Variants in MTOR observed in about 807,000 individuals in gnomAD.
MTOR encodes serine/threonine-protein kinase mTOR.
In MTOR, 70 loss-of-function variants were observed where a neutral mutation model predicts 319.8. That is an observed-to-expected ratio of 0.22 (90% CI 0.18 to 0.27). The LOEUF is 0.27. MTOR is among the 10% of genes least tolerant of loss of function. MTOR has a pLI of 1.00. For missense variants in MTOR, 1,890 were observed against 3,274.4 expected (o/e 0.58, Z 10.32); for synonymous variants, 1,183 against 1,211.4 (o/e 0.98, Z 0.49).
rs1642879282 is a variant in MTOR, at chr1:11,127,195, C to T, written c.6217-51G>A. On this transcript the variant is annotated intron_variant, in intron 44 of 57. Transcript: ENST00000361445. This position sits in a 1 kb window ranked among gnomAD's most constrained non-coding sequence, Gnocchi z 5.5. ...CAAGTTATCAAAGTCTCAACCAACC[C>T]AGGAGGCAAAATCCCCAGGCTGACT... The T allele has an allele frequency of 6.2e-7, 1 of 1,607,466 alleles. No individual in the cohort carries two copies. Among genetic ancestry groups the T allele is most frequent in the Non-Finnish European group, 8.5e-7 (1 of 1,177,598 alleles).
rs557724551 is a variant in MTOR, at chr1:11,119,288, C to T, written c.6933+1958G>A. ...TCTACTAAAAATACAAAAGAGTGGC[C>T]GGGAACGGTGGCTCCCGCCTGTAAT... On this transcript the variant is annotated intron_variant, in intron 49 of 57. Transcript: ENST00000361445. Among the ~76,000 whole-genome samples the T allele has an allele frequency of 4.5e-3, 678 of 151,698 alleles. 6 individuals carry two copies. The highest frequency in any genetic ancestry group is 0.015 in the African/African-American group (629 of 41,338).
chr1:11,191,069 C>T (rs144831541), intron 28 of MTOR, among the ~76,000 whole-genome samples: 1 of 152,262 alleles, frequency 6.6e-6, no homozygotes, highest in East Asian at 1.9e-4. Context: ...TGAGATGAAA[C>T]CAGACATGCG....
intron 16 of MTOR, 147 bp downstream of exon 16, chr1:11,232,289 T>C (rs1647045079): frequency 3.6e-6 from 2 of 549,048 alleles, no homozygotes; most frequent in Non-Finnish European, 6.5e-6. Flanking sequence ...TTCTAACTTT[T>C]ACTCATTCAA....
intron 26 of MTOR, among the ~76,000 whole-genome samples, chr1:11,203,148 G>C (rs946092677): frequency 3.3e-5 from 5 of 151,796 alleles, no homozygotes; most frequent in Non-Finnish European, 5.9e-5. Context: ...AGGAGACGGA[G>C]GTTGCAGTGA....
In MTOR at chr1:11,121,189, T is replaced by A; in HGVS notation, c.6933+57A>T. On this transcript the variant is annotated intron_variant, in intron 49 of 57. Coordinates refer to ENST00000361445, the MANE Select transcript of MTOR (RefSeq NM_004958.4). This position sits in a 1 kb window ranked among gnomAD's most constrained non-coding sequence, Gnocchi z 4.9. ...TGCACATGAACAGATGGGAGGGCCA[T>A]CCTATTGCGAGTGGGGGTTCCAGGA... 4 of 1,604,572 alleles carry A rather than the reference T, an allele frequency of 2.5e-6. No homozygotes were observed. Among genetic ancestry groups the A allele is most frequent in the Non-Finnish European group, 3.4e-6 (4 of 1,178,266 alleles).
At chr1:11,123,990 G>GT (rs1006212387) in intron 47 of MTOR, among the ~76,000 whole-genome samples, 3 of 152,188 alleles carry the variant, frequency 2.0e-5, no homozygotes, top group Admixed American at 1.3e-4. Flanking sequence ...GTTTCACCAT[G>GT]TTGGCCAGGC....
chr1:11,193,565 T>C (rs758617886), intron 28 of MTOR: 7 of 1,565,506 alleles, frequency 4.5e-6, no homozygotes, highest in Non-Finnish European at 6.1e-6. Flanking sequence ...CACCAGAGTA[T>C]CCCCTCTGCT....
intron 28 of MTOR, among the ~76,000 whole-genome samples, chr1:11,174,399 C>CA (rs113829390): frequency 0.01 from 1,583 of 152,290 alleles, 35 homozygotes; most frequent in African/African-American, 0.037. Flanking sequence ...CTCTTACTCC[C>CA]AAGCTCCCAT....
intron 28 of MTOR, chr1:11,189,906 T>G: frequency 4.3e-6 from 7 of 1,613,804 alleles, no homozygotes; most frequent in African/African-American, 1.3e-5. Context: ...ACAACCAAAT[T>G]GACATCATGC....
At chr1:11,226,328 A>G (rs1646835611) in intron 19 of MTOR, 1 of 152,222 alleles carries the variant, frequency 6.6e-6, no homozygotes, top group Admixed American at 6.5e-5. Flanking sequence ...ATGCAAGGAT[A>G]ACAGGCAAAT....
In MTOR at chr1:11,204,707, TGA is replaced by T. The variant is rs1557840690; in HGVS notation, c.3802-6_3802-5del. 6.2e-7 allele frequency: 1 copy of T among 1,613,746 alleles called. No homozygotes were observed. Among genetic ancestry groups the T allele is most frequent in the Non-Finnish European group, 8.5e-7 (1 of 1,179,788 alleles). Reference sequence around the variant, plus strand: ...CCCTCCTGGCAGCGCCCCAGGCCTGTGATCCCACAGGTGACAATGGAAAACAA... The same window carrying T: ...CCCTCCTGGCAGCGCCCCAGGCCTGTTCCCACAGGTGACAATGGAAAACAA... On this transcript the variant is annotated splice_polypyrimidine_tract_variant and splice_region_variant and intron_variant, in intron 25 of 57. Coordinates refer to ENST00000361445, the MANE Select transcript of MTOR (RefSeq NM_004958.4).
At chr1:11,195,016 A>C (rs138507629) in intron 28 of MTOR, 1 of 1,613,598 alleles carries the variant, frequency 6.2e-7, no homozygotes. Context: ...GAAGACTTCA[A>C]GCCTTAAAAG....
intron 28 of MTOR, among the ~76,000 whole-genome samples, chr1:11,193,189 C>A (rs1645618192): frequency 6.6e-6 from 1 of 151,706 alleles, no homozygotes; most frequent in African/African-American, 2.4e-5. Context: ...TGGTGACAGG[C>A]ACTCTGGTCC....
At chr1:11,116,856 A>G (rs1422555510) in intron 50 of MTOR, 148 bp downstream of exon 50, 1 of 633,046 alleles carries the variant, frequency 1.6e-6, no homozygotes, top group Non-Finnish European at 2.8e-6. Context: ...TAGGGAACTA[A>G]GGCTAATGTT....
chr1:11,128,405 A>G lies in MTOR; in HGVS notation c.5910+49T>C. On this transcript the variant is annotated intron_variant, in intron 42 of 57. Coordinates refer to ENST00000361445, the MANE Select transcript of MTOR (RefSeq NM_004958.4). This position sits in a 1 kb window ranked among gnomAD's most constrained non-coding sequence, Gnocchi z 5.3. ...GCCAGGGCAGCTTTTGGAAAGGCTG[A>G]CCACCAAACCAGTGGTTAGATGAGA... The G allele has an allele frequency of 6.4e-7, 1 of 1,572,422 alleles. No individual in the cohort carries two copies. Among genetic ancestry groups the G allele is most frequent in the Non-Finnish European group, 8.7e-7 (1 of 1,143,128 alleles).
intron 53 of MTOR, among the ~76,000 whole-genome samples, chr1:11,113,855 G>A (rs1642020087): frequency 6.6e-6 from 1 of 152,202 alleles, no homozygotes; most frequent in Non-Finnish European, 1.5e-5. Context: ...TGTGTTGTGG[G>A]AGGGACCTCA....
chr1:11,189,477 G>A, intron 28 of MTOR: 22 of 1,370,322 alleles, frequency 1.6e-5, no homozygotes, highest in Non-Finnish European at 2.2e-5. Context: ...CCCTCAGAGT[G>A]AAAGCGTAAG....
intron 36 of MTOR, among the ~76,000 whole-genome samples, chr1:11,137,152 T>TAAAAAAAAAAAA (rs33927011): frequency 1.4e-5 from 1 of 73,344 alleles, no homozygotes; most frequent in African/African-American, 5.1e-5. Context: ...TAAATCTGAT[T>TAAAAAAAAAAAA]AAAAAAAAAA....
At chr1:11,203,004 G>A (rs982567129) in intron 26 of MTOR, among the ~76,000 whole-genome samples, 4 of 152,106 alleles carry the variant, frequency 2.6e-5, no homozygotes, top group African/African-American at 9.7e-5. Flanking sequence ...TTTGAGGTCA[G>A]GAGTTCAAGA....
Sources: allele counts gnomAD v4.1 joint callset (sites outside exome capture counted in the v4.1 genomes callset), GRCh38; gene constraint gnomAD v4.1.1; non-coding constraint Gnocchi (gnomAD v3.1); transcripts MANE v1.5; gene names NCBI Gene and HGNC (gene_info 2026-07-23, HGNC 2026-07-21).